The following HSPA4 variants were observed in gnomAD, a reference collection of about 807,000 sequenced individuals.
The protein encoded by HSPA4 is heat shock protein family A (Hsp70) member 4.
HSPA4 carries 25 observed loss-of-function variants against 106.2 expected under a neutral mutation model. The observed-to-expected ratio is 0.24, with a 90% CI of 0.17 to 0.33. HSPA4 has a LOEUF of 0.33. HSPA4 is among the 10% of genes least tolerant of loss of function. The pLI is 1.00. For missense variants in HSPA4, 841 were observed against 996.0 expected (o/e 0.84, Z 2.10); for synonymous variants, 332 against 333.6 (o/e 1.00, Z 0.05).
At chr5:133,100,051 T>A (rs1198499814) in intron 16 of HSPA4, among the ~76,000 whole-genome samples, 2 of 151,832 alleles carry the variant, frequency 1.3e-5, no homozygotes, top group African/African-American at 2.4e-5. Flanking sequence ...TTTATTTATT[T>A]ATTATTTATT....
chr5:133,101,747 T>C lies in HSPA4; in HGVS notation c.2038-12T>C. 1.9e-6 allele frequency: 3 copies of C among 1,605,072 alleles called. No individual in the cohort carries two copies. Among genetic ancestry groups the C allele is most frequent in the Non-Finnish European group, 2.5e-6 (3 of 1,177,404 alleles). On this transcript the variant is annotated splice_polypyrimidine_tract_variant and intron_variant, in intron 16 of 18. Transcript: ENST00000304858. ...GAACTGCCGTATGAAGACTGTGTAT[T>C]CTTCTGTTAAGAATCTAGGTCAACC...
chr5:133,066,498 A>G (rs943936891), intron 2 of HSPA4, among the ~76,000 whole-genome samples: 2 of 152,224 alleles, frequency 1.3e-5, no homozygotes, highest in Admixed American at 6.5e-5. Flanking sequence ...CAAAAATCAT[A>G]TAGACATTTG....
intron 4 of HSPA4, among the ~76,000 whole-genome samples, chr5:133,072,138 C>G (rs1303413783): frequency 1.3e-5 from 2 of 152,182 alleles, no homozygotes; most frequent in African/African-American, 4.8e-5. Flanking sequence ...GCCTCAAGAT[C>G]ACACTGGAGT....
At chr5:133,065,099 G>A in intron 2 of HSPA4, 62 bp downstream of exon 2, 1 of 1,356,632 alleles carries the variant, frequency 7.4e-7, no homozygotes, top group Admixed American at 1.7e-5. Flanking sequence ...TGTTCAGCAA[G>A]TAGTTGAATG....
At chr5:133,096,498 CT>C (rs1765713747) in intron 14 of HSPA4, among the ~76,000 whole-genome samples, 1 of 152,010 alleles carries the variant, frequency 6.6e-6, no homozygotes, top group Non-Finnish European at 1.5e-5. Flanking sequence ...CATATAATGT[CT>C]TTGGTGTAGG....
intron 7 of HSPA4, among the ~76,000 whole-genome samples, chr5:133,081,647 C>T (rs2126706888): frequency 6.6e-6 from 1 of 152,234 alleles, no homozygotes; most frequent in East Asian, 1.9e-4. Context: ...ATTATATACC[C>T]TTTTGTTTCC....
chr5:133,093,341 C>G (rs1765673357), intron 13 of HSPA4, among the ~76,000 whole-genome samples: 1 of 152,070 alleles, frequency 6.6e-6, no homozygotes, highest in South Asian at 2.1e-4. Flanking sequence ...ACTCAGGAAT[C>G]CTAGTTTTAC....
rs539718859 is a variant in HSPA4 at position 133,059,001 on chromosome 5, G to A, written c.108-5979G>A. Among the ~76,000 whole-genome samples, 378 of 148,350 alleles carry A rather than the reference G, an allele frequency of 2.5e-3. 2 individuals are homozygous for A. Among genetic ancestry groups the A allele is most frequent in the African/African-American group, 8.8e-3 (355 of 40,320 alleles). ...AAATTAGCTGGGTGTGGTGGCACGC[G>A]CCTGTAATCCCAGCTCCTCAGGAGG... On this transcript the variant is annotated intron_variant, in intron 1 of 18. Coordinates refer to ENST00000304858, the MANE Select transcript of HSPA4 (RefSeq NM_002154.4).
Position 133,096,132 on chromosome 5 carries a change from A to G in HSPA4, c.1685A>G (p.Asp562Gly). 6.2e-7 allele frequency: 1 copy of G among 1,614,034 alleles called. No homozygotes were observed. Among genetic ancestry groups the G allele is most frequent in the African/African-American group, 1.3e-5 (1 of 75,034 alleles). ...GCTGGATCCAAGGATAAAAAGATGG[A>G]CCAACCACCCCAAGCCAAGAAGGCA... ...SQAGSKDKKM[D>G]QPPQAKKAKV... is the part of the protein sequence containing the mutation. The change falls in exon 14 of 19, where the codon GAC becomes GGC. Residue 562 changes from aspartate (D) to glycine (G), a missense_variant. Asp to Gly is a moderately conservative substitution (Grantham distance 94, BLOSUM62 -1). Coordinates refer to ENST00000304858, the MANE Select transcript of HSPA4 (RefSeq NM_002154.4).
chr5:133,073,404 C>G, intron 5 of HSPA4, 75 bp downstream of exon 5: 1 of 1,014,572 alleles, frequency 9.9e-7, no homozygotes, highest in Non-Finnish European at 1.5e-6. Context: ...CCTGGGGTTT[C>G]TTGCTCTTTA....
At chr5:133,088,914 T>C in intron 9 of HSPA4, 141 bp from the exon 10 acceptor site, 1 of 504,006 alleles carries the variant, frequency 2.0e-6, no homozygotes, top group Non-Finnish European at 3.5e-6. Flanking sequence ...TTTGTAAAAC[T>C]GTTCAGACAC....
In HSPA4 at chr5:133,085,489, TA is replaced by T. The variant is rs747012950; in HGVS notation, c.909-1280del. Reference sequence around the variant, plus strand: ...CAACATGGTGAAATCCCATCTCTACTAAAAAAAAAAAAATACAAAATTAGCC... The same window carrying T: ...CAACATGGTGAAATCCCATCTCTACTAAAAAAAAAAAATACAAAATTAGCC... On this transcript the variant is annotated intron_variant, in intron 7 of 18. Coordinates refer to ENST00000304858, the MANE Select transcript of HSPA4 (RefSeq NM_002154.4). Among the ~76,000 whole-genome samples, 693 of 109,952 alleles carry T rather than the reference TA, an allele frequency of 6.3e-3. 15 individuals carry two copies. Among genetic ancestry groups the T allele is most frequent in the Non-Finnish European group, 7.3e-3 (434 of 59,288 alleles). 72.1% of individuals were successfully genotyped at this position (109,952 alleles called of 152,430 possible).
In HSPA4 at chr5:133,064,963, C is replaced by CT. The variant is rs1367040271; in HGVS notation, c.108-10dup. 6 of 1,609,246 alleles carry CT rather than the reference C, an allele frequency of 3.7e-6. No homozygotes were observed. The highest frequency in any genetic ancestry group is 2.7e-5 in the African/African-American group (2 of 74,716). On this transcript the variant is annotated splice_polypyrimidine_tract_variant and intron_variant, in intron 1 of 18. Coordinates refer to ENST00000304858, the MANE Select transcript of HSPA4 (RefSeq NM_002154.4). Reference sequence around the variant, plus strand: ...TGTAGTAAGATTTAATTCTTAAGTGCTTTTTTTGTCTTCTAGGGCTTGCAT... The same window carrying CT: ...TGTAGTAAGATTTAATTCTTAAGTGCTTTTTTTTGTCTTCTAGGGCTTGCAT...
intron 7 of HSPA4, among the ~76,000 whole-genome samples, chr5:133,085,146 T>G (rs1016160854): frequency 6.6e-6 from 1 of 152,094 alleles, no homozygotes; most frequent in Admixed American, 6.6e-5. Context: ...AAAAAAAATT[T>G]TTTTTTTTTT....
At chr5:133,096,607 T>C (rs764913112) in intron 14 of HSPA4, among the ~76,000 whole-genome samples, 5 of 152,146 alleles carry the variant, frequency 3.3e-5, no homozygotes, top group Non-Finnish European at 7.3e-5. Flanking sequence ...GTAGGAGAAA[T>C]CGTATGGCAT....
intron 2 of HSPA4, 63 bp from the exon 3 acceptor site, chr5:133,067,354 G>C (rs545715339): frequency 4.3e-4 from 571 of 1,340,296 alleles, no homozygotes; most frequent in Middle Eastern, 2.1e-3. Flanking sequence ...TTTAATCTGA[G>C]GCTGTTGAAA....
chr5:133,086,563 T>C (rs1765580994), intron 7 of HSPA4, among the ~76,000 whole-genome samples: 2 of 152,246 alleles, frequency 1.3e-5, no homozygotes. Context: ...TGCTGAATCA[T>C]ATGCTAACTC....
At chr5:133,064,657 G>A (rs540620367) in intron 1 of HSPA4, among the ~76,000 whole-genome samples, 1 of 152,110 alleles carries the variant, frequency 6.6e-6, no homozygotes, top group African/African-American at 2.4e-5. Context: ...ATTGATGTGA[G>A]GGTACATTAT....
At chr5:133,097,618 G>A (rs1430670087) in intron 15 of HSPA4, among the ~76,000 whole-genome samples, 1 of 146,490 alleles carries the variant, frequency 6.8e-6, no homozygotes, top group Non-Finnish European at 1.5e-5. Flanking sequence ...GCGTGATCTC[G>A]GCTCACTGCA....
Sources: gnomAD v4.1 joint callset for allele counts (sites outside exome capture counted in the v4.1 genomes callset) on GRCh38, gnomAD v4.1.1 for gene constraint, MANE v1.5 for transcripts, NCBI Gene and HGNC (gene_info 2026-07-23, HGNC 2026-07-21) for gene names.